Variants in GPC3 observed in about 807,000 individuals in gnomAD.
The protein encoded by GPC3 is glypican-3.
A neutral mutation model predicts 34.4 loss-of-function variants in GPC3; 3 were observed. The ratio of observed to expected loss-of-function variants is 0.09; its 90% confidence interval spans 0.04 to 0.23. The LOEUF is 0.23. Among genes scored for constraint, GPC3 ranks in the 10% least tolerant of loss-of-function variants. The pLI is 1.00. For synonymous variants in GPC3, 177 were observed against 174.0 expected (o/e 1.02, Z -0.13); for missense variants, 351 against 445.6 (o/e 0.79, Z 1.91).
At chrX:133,907,079 C>T (rs1183589151) in intron 2 of GPC3, among the ~76,000 whole-genome samples, 6 of 106,272 alleles carry the variant, frequency 5.6e-5, no homozygotes, top group Admixed American at 4.1e-4. Flanking sequence ...CCAGCCTGGG[C>T]GACAGAGTGA....
At chrX:133,682,805 A>G (rs991572376) in intron 5 of GPC3, among the ~76,000 whole-genome samples, 1 of 110,074 alleles carries the variant, frequency 9.1e-6, no homozygotes, top group African/African-American at 3.3e-5. Context: ...TGTCTCTACT[A>G]AAAATACAAA....
intron 2 of GPC3, among the ~76,000 whole-genome samples, chrX:133,841,396 C>T (rs893474861): frequency 2.8e-5 from 3 of 106,468 alleles, no homozygotes; most frequent in Admixed American, 2.1e-4. Flanking sequence ...GCCAGTGTGA[C>T]ATTTGCCCAC....
chrX:133,723,382 C>T (rs1603233528), intron 3 of GPC3, among the ~76,000 whole-genome samples: 1 of 112,025 alleles, frequency 8.9e-6, no homozygotes, highest in East Asian at 2.8e-4. Context: ...AAACAGAGTT[C>T]AGAGGCTTCC....
At chrX:133,704,189 C>A in intron 3 of GPC3, 1 of 1,015,169 alleles carries the variant, frequency 9.9e-7, no homozygotes, top group Non-Finnish European at 1.3e-6. Flanking sequence ...GACCTGGTCC[C>A]ATAGCTTCAC....
chrX:133,834,807 G>C (rs1053572564), intron 2 of GPC3, among the ~76,000 whole-genome samples: 1 of 112,040 alleles, frequency 8.9e-6, no homozygotes, highest in Admixed American at 9.5e-5. Context: ...CAAAACTATA[G>C]TTGAAGGTGT....
intron 5 of GPC3, among the ~76,000 whole-genome samples, chrX:133,683,458 GTTTATTT>G (rs776346521): frequency 4.5e-5 from 5 of 111,967 alleles, no homozygotes; most frequent in Non-Finnish European, 7.5e-5. Context: ...AGGAGGTGAT[GTTTATTT>G]GTTGAGGGTG....
intron 2 of GPC3, among the ~76,000 whole-genome samples, chrX:133,939,815 T>A (rs1184422900): frequency 9.0e-6 from 1 of 111,675 alleles, no homozygotes; most frequent in Non-Finnish European, 1.9e-5. Context: ...TTAATTTCAA[T>A]AATGAAAGAG....
chrX:133,610,786 G>A (rs1190358621), intron 6 of GPC3, among the ~76,000 whole-genome samples: 1 of 102,337 alleles, frequency 9.8e-6, no homozygotes, highest in African/African-American at 3.6e-5. Context: ...GATGTATTGA[G>A]CACCCAGAAG....
intron 6 of GPC3, among the ~76,000 whole-genome samples, chrX:133,620,875 G>A (rs967304705): frequency 9.0e-6 from 1 of 111,077 alleles, no homozygotes; most frequent in Admixed American, 9.6e-5. Flanking sequence ...CTACATTTCC[G>A]GTTTTCCTAC....
chrX:133,887,028 C>T (rs751282845), intron 2 of GPC3, among the ~76,000 whole-genome samples: 38 of 112,296 alleles, frequency 3.4e-4, no homozygotes, highest in Non-Finnish European at 5.3e-4. Flanking sequence ...CTTTTTGAAA[C>T]AGGGTCTCAG....
chrX:133,864,310 T>C (rs920340428), intron 2 of GPC3, among the ~76,000 whole-genome samples: 6 of 111,770 alleles, frequency 5.4e-5, no homozygotes, highest in South Asian at 3.7e-4. Flanking sequence ...ACTAAAACTG[T>C]TCCTGATCCC....
At chrX:133,890,350 T>A (rs1326495866) in intron 2 of GPC3, among the ~76,000 whole-genome samples, 6 of 111,304 alleles carry the variant, frequency 5.4e-5, no homozygotes, top group African/African-American at 2.0e-4. Flanking sequence ...TCTTGATTAT[T>A]TCCTTAGGAT....
intron 3 of GPC3, among the ~76,000 whole-genome samples, chrX:133,723,416 C>A (rs2071386342): frequency 8.9e-6 from 1 of 112,113 alleles, no homozygotes; most frequent in Non-Finnish European, 1.9e-5. Flanking sequence ...ATTTTAAACA[C>A]AAACACAAAT....
chrX:133,632,117 TGAGACAGTGTCTCCC>T (rs1164084547), intron 6 of GPC3, among the ~76,000 whole-genome samples: 5 of 111,174 alleles, frequency 4.5e-5, no homozygotes, highest in African/African-American at 1.3e-4. Flanking sequence ...AAAATTTTTT[TGAGACAGTGTCTCCC>T]TCTGTTGCCC....
At chrX:133,850,238 T>C (rs1431539487) in intron 2 of GPC3, among the ~76,000 whole-genome samples, 1 of 102,652 alleles carries the variant, frequency 9.7e-6, no homozygotes, top group African/African-American at 3.7e-5. Context: ...GCTGAGCTCT[T>C]CCTTACAGTT....
chrX:133,913,678 T>C (rs1449343265), intron 2 of GPC3, among the ~76,000 whole-genome samples: 8 of 111,917 alleles, frequency 7.1e-5, no homozygotes, highest in Non-Finnish European at 1.3e-4. Context: ...ATGGCTTTCA[T>C]AAGCTCAACA....
At chrX:133,861,051 T>C (rs771227800) in intron 2 of GPC3, among the ~76,000 whole-genome samples, 9 of 111,497 alleles carry the variant, frequency 8.1e-5, no homozygotes, top group Non-Finnish European at 1.5e-4. Context: ...GCAGTGGTCA[T>C]GCCACTGAAC....
intron 2 of GPC3, among the ~76,000 whole-genome samples, chrX:133,850,358 G>T (rs1489244817): frequency 5.4e-5 from 6 of 110,792 alleles, no homozygotes; most frequent in African/African-American, 2.0e-4. Flanking sequence ...AGTAGTTTCA[G>T]AACTTCACAC....
At chrX:133,803,831 T>C (rs1006374880) in intron 2 of GPC3, among the ~76,000 whole-genome samples, 1 of 111,886 alleles carries the variant, frequency 8.9e-6, no homozygotes, top group Admixed American at 9.5e-5. Context: ...CAGGGTTCTA[T>C]TTCAGTGTAG....
Sources: allele counts gnomAD v4.1 joint callset (sites outside exome capture counted in the v4.1 genomes callset), GRCh38; gene constraint gnomAD v4.1.1; transcripts MANE v1.5; gene names NCBI Gene and HGNC (gene_info 2026-07-23, HGNC 2026-07-21).